GRID2: variants seen among roughly 807,000 people sequenced by gnomAD.
The protein encoded by GRID2 is glutamate ionotropic receptor delta type subunit 2.
Under a neutral mutation model 114.8 loss-of-function variants are expected in GRID2, and 33 were observed. That is an observed-to-expected ratio of 0.29 (90% confidence interval 0.22 to 0.38). GRID2 has a LOEUF of 0.38. GRID2 is among the 10% of genes least tolerant of loss of function. The pLI, the probability that GRID2 is intolerant of heterozygous loss-of-function variation, is 1.00. For missense variants in GRID2, 1,184 were observed against 1,257.7 expected (o/e 0.94, Z 0.89); for synonymous variants, 505 against 449.9 (o/e 1.12, Z -1.55).
chr4:93,781,015 G>A (rs983757668), intron 1 of GRID2, among the ~76,000 whole-genome samples: 1 of 152,202 alleles, frequency 6.6e-6, no homozygotes, highest in African/African-American at 2.4e-5. Context: ...ACTGAATATA[G>A]AGTGTAAAAG....
intron 8 of GRID2, among the ~76,000 whole-genome samples, chr4:93,248,307 G>C (rs181603350): frequency 2.8e-4 from 42 of 152,318 alleles, no homozygotes; most frequent in African/African-American, 1.0e-3. Flanking sequence ...CCTTTAGCAA[G>C]ATCTCATTGT....
intron 1 of GRID2, among the ~76,000 whole-genome samples, chr4:92,469,758 A>G (rs965131977): frequency 2.6e-5 from 4 of 152,026 alleles, no homozygotes; most frequent in Non-Finnish European, 5.9e-5. Context: ...TTCAAGTTTC[A>G]TAATTTTTTT....
intron 1 of GRID2, among the ~76,000 whole-genome samples, chr4:92,470,736 C>T (rs1190497344): frequency 6.6e-6 from 1 of 151,916 alleles, no homozygotes; most frequent in East Asian, 1.9e-4. Context: ...TGGCCAAAGA[C>T]ATAAAATTAC....
At chr4:93,804,366 G>C (rs985121738) in intron 1 of GRID2, among the ~76,000 whole-genome samples, 1 of 152,114 alleles carries the variant, frequency 6.6e-6, no homozygotes, top group Non-Finnish European at 1.5e-5. Context: ...AGATGGTTTA[G>C]CCTACTACAC....
At chr4:92,338,284 T>C (rs1438844525) in intron 1 of GRID2, among the ~76,000 whole-genome samples, 1 of 152,198 alleles carries the variant, frequency 6.6e-6, no homozygotes, top group East Asian at 1.9e-4. Context: ...AGACGGATTG[T>C]ACCTATACCA....
intron 8 of GRID2, among the ~76,000 whole-genome samples, chr4:93,240,751 T>C (rs911466842): frequency 6.6e-6 from 1 of 151,114 alleles, no homozygotes; most frequent in Admixed American, 6.6e-5. Flanking sequence ...CTTTTATCTA[T>C]CTAGAAGTTT....
At chr4:93,236,813 G>A (rs548337946) in intron 7 of GRID2, among the ~76,000 whole-genome samples, 79 of 152,158 alleles carry the variant, frequency 5.2e-4, no homozygotes, top group African/African-American at 1.8e-3. Context: ...AAATATTTAA[G>A]CGTATAATAA....
At chr4:93,375,371 C>T (rs923948196) in intron 8 of GRID2, among the ~76,000 whole-genome samples, 3 of 151,946 alleles carry the variant, frequency 2.0e-5, no homozygotes, top group African/African-American at 7.2e-5. Context: ...CACCACCACG[C>T]CCGGCTAATT....
rs577483157 is a variant in GRID2, at chr4:93,629,875, G to A, written c.2360+3440G>A. Among the ~76,000 whole-genome samples the A allele has an allele frequency of 1.6e-4, 25 of 152,204 alleles. 1 individual carries two copies. The highest frequency in any genetic ancestry group is 1.4e-3 in the Admixed American group (21 of 15,266). On this transcript the variant is annotated intron_variant, in intron 14 of 15. Coordinates refer to ENST00000282020, the MANE Select transcript of GRID2 (RefSeq NM_001510.4). ...GTTTATATATTTCATAGGCACTTTA[G>A]AACAATCATATGAGGCATTGCACAT...
intron 5 of GRID2, among the ~76,000 whole-genome samples, chr4:93,210,583 AC>A (rs1743341886): frequency 6.6e-6 from 1 of 151,976 alleles, no homozygotes; most frequent in African/African-American, 2.4e-5. Context: ...GCTTTTTGAT[AC>A]ATTTTCACTT....
At chr4:92,993,335 C>G (rs1187012266) in intron 2 of GRID2, among the ~76,000 whole-genome samples, 1 of 150,874 alleles carries the variant, frequency 6.6e-6, no homozygotes, top group Non-Finnish European at 1.5e-5. Context: ...CAGTTACTTT[C>G]TGAGTAAATT....
intron 1 of GRID2, among the ~76,000 whole-genome samples, chr4:92,526,718 A>T (rs6848682): frequency 0.36 from 54,421 of 151,586 alleles, 10,037 homozygotes; most frequent in South Asian, 0.44. Context: ...ACACCTATCT[A>T]ATTGGCCACA....
At chr4:93,091,374 A>C (rs1002703318) in intron 3 of GRID2, among the ~76,000 whole-genome samples, 1 of 152,270 alleles carries the variant, frequency 6.6e-6, no homozygotes, top group Admixed American at 6.5e-5. Flanking sequence ...TCGTGAATAG[A>C]GCCATCTGGT....
At chr4:93,338,134 T>C (rs1429392233) in intron 8 of GRID2, among the ~76,000 whole-genome samples, 1 of 140,802 alleles carries the variant, frequency 7.1e-6, no homozygotes, top group Non-Finnish European at 1.5e-5. Flanking sequence ...TGACCATTCA[T>C]CAGTGATGTG....
At chr4:92,333,548 T>C (rs1727005154) in intron 1 of GRID2, among the ~76,000 whole-genome samples, 3 of 152,182 alleles carry the variant, frequency 2.0e-5, no homozygotes, top group Non-Finnish European at 2.9e-5. Flanking sequence ...ATAAGCCTTT[T>C]TCATCTTTAC....
chr4:92,668,568 A>C (rs1732896979), intron 2 of GRID2, among the ~76,000 whole-genome samples: 1 of 151,872 alleles, frequency 6.6e-6, no homozygotes, highest in Non-Finnish European at 1.5e-5. Flanking sequence ...TGTGTGAGCC[A>C]ACTAGGTAGA....
chr4:92,895,648 C>A (rs1471079), intron 2 of GRID2, among the ~76,000 whole-genome samples: 84,766 of 151,598 alleles, frequency 0.56, 24,860 homozygotes, highest in Middle Eastern at 0.74. Context: ...TTTATAAAGA[C>A]TCTCATATTG....
rs1034198026 is a variant in GRID2, at chr4:93,249,339, T to C, written c.1245+10849T>C. Among the ~76,000 whole-genome samples the C allele has an allele frequency of 3.3e-5, 5 of 152,296 alleles. No homozygotes were observed. The South Asian group carries it at 1.0e-3, about 32-fold the overall frequency. On this transcript the variant is annotated intron_variant, in intron 8 of 15. Coordinates refer to ENST00000282020, the MANE Select transcript of GRID2 (RefSeq NM_001510.4). ...CAGCTTTGTTCTTTTGGCTTAGGAT[T>C]GTCTTGGCTATATGGGCTCTTTTTT...
intron 11 of GRID2, among the ~76,000 whole-genome samples, chr4:93,472,408 T>C (rs1216941158): frequency 6.6e-6 from 1 of 152,138 alleles, no homozygotes; most frequent in African/African-American, 2.4e-5. Flanking sequence ...GATTAGACTT[T>C]ATCCATATAC....
Sources: gnomAD v4.1 joint callset for allele counts (sites outside exome capture counted in the v4.1 genomes callset) on GRCh38, gnomAD v4.1.1 for gene constraint, MANE v1.5 for transcripts, NCBI Gene and HGNC (gene_info 2026-07-23, HGNC 2026-07-21) for gene names.